ANKRD11: variants seen among roughly 807,000 people sequenced by gnomAD.
The protein encoded by ANKRD11 is ankyrin repeat domain-containing protein 11.
Under a neutral mutation model 195.7 loss-of-function variants are expected in ANKRD11, and 17 were observed. The ratio of observed to expected loss-of-function variants is 0.09; its 90% CI spans 0.06 to 0.13. ANKRD11 has a LOEUF of 0.13. ANKRD11 is among the 10% of genes least tolerant of loss of function. ANKRD11 has a pLI of 1.00. For missense variants in ANKRD11, 3,735 were observed against 3,566.1 expected (o/e 1.05, Z -1.21); for synonymous variants, 1,953 against 1,528.1 (o/e 1.28, Z -6.49).
rs142147210 is a variant in ANKRD11, at chr16:89,345,428, G to T, written c.-59-28350C>A. On this transcript the variant is annotated intron_variant, in intron 2 of 12. Transcript: ENST00000301030. ...TGCTATTAAGGGCTAGCACTGGGAGGCAGTCCCGTCCATTCCTCTGTCCCT... is the reference window on the plus strand; with the variant it reads ...TGCTATTAAGGGCTAGCACTGGGAGTCAGTCCCGTCCATTCCTCTGTCCCT... Among the ~76,000 whole-genome samples the T allele has an allele frequency of 2.6e-3, 395 of 152,288 alleles. 2 individuals carry two copies. The highest frequency in any genetic ancestry group is 9.2e-3 in the African/African-American group (382 of 41,558).
At chr16:89,325,451 T>TCTC (rs1567649738) in intron 2 of ANKRD11, among the ~76,000 whole-genome samples, 8 of 129,052 alleles carry the variant, frequency 6.2e-5, no homozygotes, top group Admixed American at 1.6e-4. Flanking sequence ...TCCCCTCTCC[T>TCTC]CTCTCTCTCT....
chr16:89,304,379 C>T (rs1211451558), intron 4 of ANKRD11, among the ~76,000 whole-genome samples: 3 of 151,272 alleles, frequency 2.0e-5, no homozygotes, highest in African/African-American at 7.3e-5. Context: ...CATGCACACA[C>T]ATGCAAACGC....
intron 2 of ANKRD11, 107 bp downstream of exon 2, chr16:89,418,177 A>C: frequency 2.3e-6 from 1 of 425,616 alleles, no homozygotes; most frequent in Non-Finnish European, 4.8e-6. Context: ...ACAAAACTCT[A>C]TCAAGTCCAA....
At position 89,280,341 on chromosome 16, in the gene ANKRD11, G is replaced by A. The variant is rs753589168; in HGVS notation, c.6201C>T (p.Ser2067=). The change falls in exon 9 of 13, where the codon AGC becomes AGT. Residue 2067 remains serine (S), a synonymous_variant. Transcript: ENST00000301030. ...GGGCTTCCGGAAGTGACTTGCAGTT[G>A]CTGAAGAAGGACTCCAGCCCGGAGG... ...APPSGLESFF[S]NCKSLPEAPL... is the part of the protein sequence containing the mutation. 376 of 1,577,634 alleles carry A rather than the reference G, an allele frequency of 2.4e-4. 3 individuals carry two copies. Among genetic ancestry groups the A allele is most frequent in the Non-Finnish European group, 3.1e-5 (36 of 1,162,094 alleles).
intron 2 of ANKRD11, among the ~76,000 whole-genome samples, chr16:89,414,414 C>T (rs1412909587): frequency 6.6e-6 from 1 of 152,170 alleles, no homozygotes; most frequent in Non-Finnish European, 1.5e-5. Flanking sequence ...CTGGGGTCAT[C>T]GGGGGTCACG....
At chr16:89,325,417 G>A (rs539181221) in intron 2 of ANKRD11, among the ~76,000 whole-genome samples, 28 of 151,176 alleles carry the variant, frequency 1.9e-4, no homozygotes, top group Non-Finnish European at 2.1e-4. Flanking sequence ...CAGCCCGGGC[G>A]TCAGAGCCAG....
At chr16:89,315,845 T>C (rs921966856) in intron 3 of ANKRD11, among the ~76,000 whole-genome samples, 8 of 152,214 alleles carry the variant, frequency 5.3e-5, no homozygotes, top group African/African-American at 1.9e-4. Flanking sequence ...TGTTCGCGTG[T>C]GGAACCCCTG....
In ANKRD11 at chr16:89,446,001, TAA is replaced by T. The variant is rs756294025; in HGVS notation, c.-144-27635_-144-27634del. ...AAAAACAAAAAAAAAAATTTTTTGT[TAA>T]AAAAAAAAAAAAAAAAACCAGCCTA... On this transcript the variant is annotated intron_variant, in intron 1 of 12. Transcript: ENST00000301030. Among the ~76,000 whole-genome samples the T allele has an allele frequency of 5.8e-5, 7 of 121,476 alleles. No homozygotes were observed. In the East Asian group the frequency reaches 9.2e-4, roughly 16 times the overall value. 79.7% of individuals were successfully genotyped at this position (121,476 alleles called of 152,430 possible).
chr16:89,484,926 C>T (rs935210580), intron 1 of ANKRD11, among the ~76,000 whole-genome samples: 3 of 152,122 alleles, frequency 2.0e-5, no homozygotes, highest in Non-Finnish European at 2.9e-5. Flanking sequence ...ATGCGAAGGA[C>T]AGGCCTGGAA....
At chr16:89,271,150 T>G (rs1597397057) in intron 11 of ANKRD11, 1 of 553,240 alleles carries the variant, frequency 1.8e-6, no homozygotes. Flanking sequence ...GGGCACCGGG[T>G]GCCCGCAGGC....
chr16:89,307,674 G>T (rs927163793), intron 3 of ANKRD11, among the ~76,000 whole-genome samples: 1 of 152,192 alleles, frequency 6.6e-6, no homozygotes, highest in Admixed American at 6.5e-5. Flanking sequence ...CTCCCCCGCC[G>T]CCTGGCTGCA....
At chr16:89,481,914 TAC>T (rs1050476375) in intron 1 of ANKRD11, among the ~76,000 whole-genome samples, 7 of 151,506 alleles carry the variant, frequency 4.6e-5, no homozygotes, top group African/African-American at 1.7e-4. Flanking sequence ...AAACATAGCT[TAC>T]AGTTAAAAAA....
At chr16:89,462,915 G>A (rs1389945781) in intron 1 of ANKRD11, among the ~76,000 whole-genome samples, 2 of 150,954 alleles carry the variant, frequency 1.3e-5, no homozygotes, top group African/African-American at 4.9e-5. Context: ...TCAGCCCCCC[G>A]CCCAGCTGCC....
chr16:89,320,486 A>AACGCAGAGCC (rs1196351530), intron 2 of ANKRD11: 1 of 152,168 alleles, frequency 6.6e-6, no homozygotes, highest in East Asian at 1.9e-4. Flanking sequence ...CGGGAAGGTA[A>AACGCAGAGCC]ACGCAGAGCC....
chr16:89,331,699 C>T (rs1490090590), intron 2 of ANKRD11, among the ~76,000 whole-genome samples: 2 of 152,224 alleles, frequency 1.3e-5, no homozygotes, highest in Non-Finnish European at 2.9e-5. Flanking sequence ...CAGCTCCCTA[C>T]AGCCTCGAAC....
At chr16:89,318,896 C>G (rs75057787) in intron 2 of ANKRD11, among the ~76,000 whole-genome samples, 5,316 of 152,242 alleles carry the variant, frequency 0.035, 328 homozygotes, top group African/African-American at 0.12. Context: ...TGAGGCCAGA[C>G]ATATTTTCTC....
chr16:89,422,666 C>T (rs1292681410), intron 1 of ANKRD11, among the ~76,000 whole-genome samples: 3 of 152,216 alleles, frequency 2.0e-5, no homozygotes, highest in Non-Finnish European at 4.4e-5. Flanking sequence ...ACAGTCACAG[C>T]CACGAGCACC....
chr16:89,281,735 C>T lies in ANKRD11; in HGVS notation c.4807G>A (p.Glu1603Lys). The change falls in exon 9 of 13, where the codon GAG becomes AAG. Residue 1603 changes from glutamate (E) to lysine (K), a missense_variant. Physicochemically the swap from Glu to Lys is moderately conservative, Grantham distance 56. Transcript: ENST00000301030. The surrounding 1 kb of genome is among the most constrained non-coding windows in gnomAD (Gnocchi z 5.5). ...EIEERHKRHK[E>K]RMKQMEKLRH... Reference sequence around the variant, plus strand: ...AGCTTCTCCATTTGCTTCATCCTCTCCTTGTGCCGCTTGTGGCGCTCCTCG... The same window carrying T: ...AGCTTCTCCATTTGCTTCATCCTCTTCTTGTGCCGCTTGTGGCGCTCCTCG... The T allele has an allele frequency of 6.2e-7, 1 of 1,614,034 alleles. No homozygotes were observed. Among genetic ancestry groups the T allele is most frequent in the Non-Finnish European group, 8.5e-7 (1 of 1,180,010 alleles).
chr16:89,359,320 T>C (rs1175261694), intron 2 of ANKRD11, among the ~76,000 whole-genome samples: 3 of 152,310 alleles, frequency 2.0e-5, no homozygotes, highest in African/African-American at 7.2e-5. Flanking sequence ...AGAGCAGCCA[T>C]TTCCCATACA....
Sources: gnomAD v4.1 joint callset for allele counts (sites outside exome capture counted in the v4.1 genomes callset) on GRCh38, gnomAD v4.1.1 for gene constraint, Gnocchi (gnomAD v3.1) non-coding constraint, MANE v1.5 for transcripts, NCBI Gene and HGNC (gene_info 2026-07-23, HGNC 2026-07-21) for gene names.